Variants in WWOX observed in about 807,000 individuals in gnomAD.
The protein encoded by WWOX is WW domain-containing oxidoreductase.
WWOX carries 69 observed loss-of-function variants against 46.2 expected under a neutral mutation model. The ratio of observed to expected loss-of-function variants is 1.49; its 90% CI spans 1.23 to 1.82. The LOEUF is 1.82. Ranked by LOEUF, WWOX falls within the 40% of genes most tolerant of loss-of-function variation. WWOX has a pLI of 0.00. For missense variants in WWOX, 919 were observed against 542.6 expected (o/e 1.69, Z -6.89); for synonymous variants, 359 against 202.6 (o/e 1.77, Z -6.56).
chr16:78,908,073 T>C (rs540808036), intron 8 of WWOX, among the ~76,000 whole-genome samples: 2 of 152,272 alleles, frequency 1.3e-5, no homozygotes, highest in African/African-American at 4.8e-5. Flanking sequence ...AGTTCCCAAA[T>C]TGCAGGATAA....
rs372958039 is a variant in WWOX, at chr16:79,003,836, CTG to C, written c.1057-207770_1057-207769del. The stretch of plus-strand genomic sequence containing the variant: ...GCATCTTTGGGGAAGGCAGTCACCA[CTG>C]TATAGTCCTGAGCTCACTGGGATTA... On this transcript the variant is annotated intron_variant, in intron 8 of 8. Coordinates refer to ENST00000566780, the MANE Select transcript of WWOX (RefSeq NM_016373.4). Among the ~76,000 whole-genome samples the C allele has an allele frequency of 5.7e-3, 875 of 152,252 alleles. 10 individuals are homozygous for C. Among genetic ancestry groups the C allele is most frequent in the African/African-American group, 0.02 (839 of 41,546 alleles).
At chr16:78,174,871 C>T (rs1427284755) in intron 5 of WWOX, among the ~76,000 whole-genome samples, 1 of 152,000 alleles carries the variant, frequency 6.6e-6, no homozygotes, top group East Asian at 1.9e-4. Context: ...GCCTTTAGTC[C>T]CAGCTACTGG....
intron 5 of WWOX, among the ~76,000 whole-genome samples, chr16:78,371,126 G>A (rs1381367535): frequency 6.6e-6 from 1 of 151,784 alleles, no homozygotes; most frequent in Non-Finnish European, 1.5e-5. Flanking sequence ...ACATACCTAG[G>A]TAATTTTACT....
chr16:78,155,646 C>T (rs2034572949), intron 4 of WWOX, among the ~76,000 whole-genome samples: 2 of 152,188 alleles, frequency 1.3e-5, no homozygotes, highest in African/African-American at 2.4e-5. Flanking sequence ...TTGCCATCTC[C>T]ATGCAGTTAA....
chr16:78,728,936 A>T (rs1433046037), intron 8 of WWOX, among the ~76,000 whole-genome samples: 1 of 152,166 alleles, frequency 6.6e-6, no homozygotes, highest in Non-Finnish European at 1.5e-5. Context: ...GTGTGGAGAG[A>T]TAGAGGATTA....
At chr16:79,164,945 T>A (rs893982520) in intron 8 of WWOX, among the ~76,000 whole-genome samples, 5 of 152,134 alleles carry the variant, frequency 3.3e-5, no homozygotes, top group Admixed American at 3.3e-4. Flanking sequence ...ACCCTGTTGT[T>A]ATTCACCCAG....
chr16:78,382,957 G>C (rs953111128), intron 5 of WWOX, among the ~76,000 whole-genome samples: 1 of 151,696 alleles, frequency 6.6e-6, no homozygotes, highest in African/African-American at 2.4e-5. Flanking sequence ...ATAGGCCTTA[G>C]GAAACTTCCA....
At chr16:78,585,033 G>C (rs541592011) in intron 8 of WWOX, among the ~76,000 whole-genome samples, 1 of 152,172 alleles carries the variant, frequency 6.6e-6, no homozygotes, top group South Asian at 2.1e-4. Context: ...TCCCTATTCA[G>C]CTGAGGCCTC....
rs201186695 is a variant in WWOX, at chr16:78,386,958, C to A, written c.605+10C>A. 3 of 1,611,362 alleles carry A rather than the reference C, an allele frequency of 1.9e-6. No individual in the cohort carries two copies. The highest frequency in any genetic ancestry group is 1.3e-5 in the African/African-American group (1 of 74,988). On this transcript the variant is annotated intron_variant, in intron 6 of 8. Transcript: ENST00000566780. Reference sequence around the variant, plus strand: ...TCAAGGCCAAGAATGTGTGAGTGTTCCAGTGGAGGGTTATAGATCATAATT... The same window carrying A: ...TCAAGGCCAAGAATGTGTGAGTGTTACAGTGGAGGGTTATAGATCATAATT...
In WWOX at chr16:78,349,145, C is replaced by T. The variant is rs147276700; in HGVS notation, c.517-37715C>T. Among the ~76,000 whole-genome samples the T allele has an allele frequency of 6.2e-4, 75 of 120,854 alleles. 3 individuals carry two copies. The East Asian group carries it at 0.012, about 20-fold the overall frequency. 79.3% of individuals were successfully genotyped at this position (120,854 alleles called of 152,430 possible). A position where few individuals can be genotyped will look rare whatever the true frequency, so the allele number is the denominator to read the frequency against. ...TCTACCTCGTCTGCTTGCAGACAGC[C>T]GCCTTCCCACCGTGTTCTCACGTGA... On this transcript the variant is annotated intron_variant, in intron 5 of 8. Coordinates refer to ENST00000566780, the MANE Select transcript of WWOX (RefSeq NM_016373.4).
intron 8 of WWOX, among the ~76,000 whole-genome samples, chr16:79,001,869 A>G (rs1316491967): frequency 6.6e-6 from 1 of 152,106 alleles, no homozygotes; most frequent in African/African-American, 2.4e-5. Context: ...AAAGTTACAG[A>G]GCTTGTCTTT....
At chr16:79,030,349 T>C (rs754230996) in intron 8 of WWOX, among the ~76,000 whole-genome samples, 2 of 152,234 alleles carry the variant, frequency 1.3e-5, no homozygotes, top group Non-Finnish European at 2.9e-5. Flanking sequence ...CTGACAAATT[T>C]AGTTGCTGCA....
At chr16:79,209,499 C>A (rs1244944225) in intron 8 of WWOX, among the ~76,000 whole-genome samples, 1 of 152,158 alleles carries the variant, frequency 6.6e-6, no homozygotes, top group Admixed American at 6.5e-5. Context: ...AATAGTATAA[C>A]CATTGTGGCA....
intron 8 of WWOX, among the ~76,000 whole-genome samples, chr16:78,983,210 A>T (rs2046717355): frequency 6.6e-6 from 1 of 152,216 alleles, no homozygotes; most frequent in Non-Finnish European, 1.5e-5. Flanking sequence ...TGAAACATAG[A>T]CCACGGACAC....
chr16:78,173,455 ATTT>A (rs35394224), intron 5 of WWOX, among the ~76,000 whole-genome samples: 44 of 135,808 alleles, frequency 3.2e-4, no homozygotes, highest in Admixed American at 3.7e-4. Context: ...CACCTGGCTA[ATTT>A]TTTTTTTTTT....
chr16:79,176,113 G>A (rs147323230), intron 8 of WWOX, among the ~76,000 whole-genome samples: 2 of 152,310 alleles, frequency 1.3e-5, no homozygotes, highest in African/African-American at 4.8e-5. Flanking sequence ...GCACACCTGT[G>A]TTGCAAATGT....
chr16:78,975,050 T>C (rs961590839), intron 8 of WWOX, among the ~76,000 whole-genome samples: 1 of 152,224 alleles, frequency 6.6e-6, no homozygotes, highest in Non-Finnish European at 1.5e-5. Context: ...GCCTTCACTA[T>C]TGTCAAGGCT....
chr16:78,965,546 G>A (rs2046348881), intron 8 of WWOX, among the ~76,000 whole-genome samples: 1 of 150,796 alleles, frequency 6.6e-6, no homozygotes, highest in South Asian at 2.1e-4. Context: ...CTCCAGCCTG[G>A]GTAACGAGCA....
intron 5 of WWOX, among the ~76,000 whole-genome samples, chr16:78,195,035 C>G (rs1039605542): frequency 4.6e-5 from 7 of 152,208 alleles, no homozygotes; most frequent in African/African-American, 1.7e-4. Context: ...TTTGCAACTT[C>G]TTTTATGCCT....
Sources: gnomAD v4.1 joint callset for allele counts (sites outside exome capture counted in the v4.1 genomes callset) on GRCh38, gnomAD v4.1.1 for gene constraint, MANE v1.5 for transcripts, NCBI Gene and HGNC (gene_info 2026-07-23, HGNC 2026-07-21) for gene names.